The following FGF12 variants were observed in gnomAD, a reference collection of about 807,000 sequenced individuals.
The protein encoded by FGF12 is fibroblast growth factor 12B.
A neutral mutation model predicts 23.6 loss-of-function variants in FGF12; 14 were observed. The ratio of observed to expected loss-of-function variants is 0.59; its 90% CI spans 0.39 to 0.93. The LOEUF (loss-of-function observed/expected upper bound fraction) is 0.93. Among genes scored for constraint, FGF12 ranks in the 40% least tolerant of loss-of-function variants. The pLI is 0.00. For synonymous variants in FGF12, 62 were observed against 77.3 expected, an observed-to-expected ratio of 0.80 and a Z score of 1.04; for missense variants, 175 against 217.8, an observed-to-expected ratio of 0.80 and a Z score of 1.24.
intron 2 of FGF12, among the ~76,000 whole-genome samples, chr3:192,658,873 A>T (rs946958031): frequency 6.6e-5 from 10 of 152,136 alleles, no homozygotes; most frequent in African/African-American, 2.2e-4. Flanking sequence ...ACAAACAAAC[A>T]AAAAACCATA....
chr3:192,264,630 C>T (rs1209621484), intron 4 of FGF12, among the ~76,000 whole-genome samples: 1 of 152,030 alleles, frequency 6.6e-6, no homozygotes, highest in Non-Finnish European at 1.5e-5. Flanking sequence ...AACTGATGTA[C>T]AGAGAGGATA....
intron 5 of FGF12, among the ~76,000 whole-genome samples, chr3:192,168,252 G>T (rs1327233173): frequency 1.3e-5 from 2 of 152,090 alleles, no homozygotes; most frequent in Non-Finnish European, 2.9e-5. Flanking sequence ...TAAAAATGAT[G>T]CAATAATTAA....
intron 2 of FGF12, among the ~76,000 whole-genome samples, chr3:192,541,525 C>T (rs965907104): frequency 4.6e-5 from 7 of 151,980 alleles, no homozygotes; most frequent in Non-Finnish European, 1.0e-4. Flanking sequence ...ATTGGTTCAT[C>T]TTTAGTCTTT....
chr3:192,699,208 C>T (rs1321303445), intron 2 of FGF12, among the ~76,000 whole-genome samples: 1 of 152,186 alleles, frequency 6.6e-6, no homozygotes, highest in Non-Finnish European at 1.5e-5. Context: ...AGTTTTACAT[C>T]TCTCAGAGGA....
At chr3:192,697,602 ACTAGTCCCAGGAGTGTTGC>A (rs530782277) in intron 2 of FGF12, among the ~76,000 whole-genome samples, 174 of 152,286 alleles carry the variant, frequency 1.1e-3, no homozygotes, top group African/African-American at 4.0e-3. Context: ...AGGTGGACTG[ACTAGTCCCAGGAGTGTTGC>A]CTTGCATATC....
chr3:192,656,320 C>G (rs1033952644), intron 2 of FGF12, among the ~76,000 whole-genome samples: 1,049 of 52,734 alleles, frequency 0.02, 4 homozygotes, highest in African/African-American at 0.039. Flanking sequence ...CACACACACA[C>G]AGAGAGAGAA....
chr3:192,272,153 T>C (rs1046734489), intron 4 of FGF12, among the ~76,000 whole-genome samples: 4 of 152,186 alleles, frequency 2.6e-5, no homozygotes, highest in African/African-American at 7.2e-5. Context: ...TGGAGTCATC[T>C]GAAAATTAAA....
At chr3:192,281,240 T>C (rs1714124691) in intron 4 of FGF12, among the ~76,000 whole-genome samples, 1 of 152,158 alleles carries the variant, frequency 6.6e-6, no homozygotes, top group Non-Finnish European at 1.5e-5. Flanking sequence ...GTTTGCCTTT[T>C]CCTAGCTTTG....
chr3:192,661,090 A>G (rs1007931480), intron 2 of FGF12, among the ~76,000 whole-genome samples: 2 of 152,162 alleles, frequency 1.3e-5, no homozygotes, highest in Non-Finnish European at 2.9e-5. Flanking sequence ...AGGGATGATG[A>G]TAAGTGATGA....
intron 2 of FGF12, among the ~76,000 whole-genome samples, chr3:192,603,289 A>G (rs1300528280): frequency 6.6e-6 from 1 of 152,152 alleles, no homozygotes; most frequent in Non-Finnish European, 1.5e-5. Context: ...AAAACATTAA[A>G]GACTCTGCCA....
At chr3:192,550,228 A>G (rs1157705101) in intron 2 of FGF12, among the ~76,000 whole-genome samples, 3 of 151,374 alleles carry the variant, frequency 2.0e-5, no homozygotes, top group African/African-American at 7.3e-5. Flanking sequence ...ATATGTGTAT[A>G]TGTACAGATA....
rs879902423 is a variant in FGF12, at chr3:192,181,376, CAG to C, written c.229-10722_229-10721del. Among the ~76,000 whole-genome samples the C allele has an allele frequency of 1.8e-4, 25 of 138,468 alleles. No homozygotes were observed. The South Asian group carries it at 2.5e-3, about 14-fold the overall frequency. The allele number at this position is 138,468 out of a possible 152,430, so 90.8% of individuals were successfully genotyped here. Reference sequence around the variant, plus strand: ...ACGCACACACACAGACACACACACACAGACACACACACACACACACACAGCAT... The same window carrying C: ...ACGCACACACACAGACACACACACACACACACACACACACACACACAGCAT... On this transcript the variant is annotated intron_variant, in intron 4 of 5. Coordinates refer to ENST00000445105, the MANE Select transcript of FGF12 (RefSeq NM_004113.6).
At position 192,245,892 on chromosome 3, in the gene FGF12, G is replaced by A. The variant is rs78243788; in HGVS notation, c.229-75236C>T. On this transcript the variant is annotated intron_variant, in intron 4 of 5. Coordinates refer to ENST00000445105, the MANE Select transcript of FGF12 (RefSeq NM_004113.6). ...AGTCCTTGCTTTTTCGGACCCTAATGCTAAAAGACTGAATAAATGTAATAG... is the reference window on the plus strand; with the variant it reads ...AGTCCTTGCTTTTTCGGACCCTAATACTAAAAGACTGAATAAATGTAATAG... Among the ~76,000 whole-genome samples, 1,362 of 152,210 alleles carry A rather than the reference G, an allele frequency of 8.9e-3. 19 individuals carry two copies. Among genetic ancestry groups the A allele is most frequent in the African/African-American group, 0.031 (1,289 of 41,530 alleles).
At chr3:192,584,116 G>T (rs1185868854) in intron 2 of FGF12, among the ~76,000 whole-genome samples, 1 of 152,168 alleles carries the variant, frequency 6.6e-6, no homozygotes, top group African/African-American at 2.4e-5. Context: ...CTCTGATATT[G>T]CCTATGCTCT....
chr3:192,186,215 G>C (rs1716457283), intron 4 of FGF12, among the ~76,000 whole-genome samples: 1 of 152,128 alleles, frequency 6.6e-6, no homozygotes, highest in African/African-American at 2.4e-5. Context: ...TGGTATTCTG[G>C]GACCTGGAGA....
intron 2 of FGF12, among the ~76,000 whole-genome samples, chr3:192,459,782 C>A (rs377182197): frequency 6.6e-5 from 10 of 151,814 alleles, no homozygotes; most frequent in African/African-American, 1.9e-4. Flanking sequence ...ACTTGTACAA[C>A]CTTTTAAGAA....
chr3:192,564,125 G>A (rs982900209), intron 2 of FGF12, among the ~76,000 whole-genome samples: 10 of 151,996 alleles, frequency 6.6e-5, no homozygotes, highest in Non-Finnish European at 1.2e-4. Flanking sequence ...GTGCAGTGGC[G>A]CGATCTCAGC....
intron 2 of FGF12, among the ~76,000 whole-genome samples, chr3:192,669,135 A>G (rs1348319478): frequency 6.6e-6 from 1 of 152,240 alleles, no homozygotes; most frequent in African/African-American, 2.4e-5. Context: ...AGATACGCTA[A>G]ATCGTATATG....
At chr3:192,266,578 T>C (rs950792172) in intron 4 of FGF12, among the ~76,000 whole-genome samples, 1 of 152,082 alleles carries the variant, frequency 6.6e-6, no homozygotes, top group African/African-American at 2.4e-5. Flanking sequence ...GGCTTTAGGG[T>C]ATAAATTAAA....
Sources: gnomAD v4.1 joint callset for allele counts (sites outside exome capture counted in the v4.1 genomes callset) on GRCh38, gnomAD v4.1.1 for gene constraint, MANE v1.5 for transcripts, NCBI Gene and HGNC (gene_info 2026-07-23, HGNC 2026-07-21) for gene names.